UBE3A: variants seen among roughly 807,000 people sequenced by gnomAD.
UBE3A encodes ubiquitin protein ligase E3A, also known as ubiquitin-protein ligase E3A.
In UBE3A, 6 loss-of-function variants were observed where a neutral mutation model predicts 83.4. The observed-to-expected ratio is 0.07, with a 90% CI of 0.04 to 0.14. UBE3A has a LOEUF of 0.14. Ranked by LOEUF, UBE3A falls within the 10% of genes least tolerant of loss-of-function variation. UBE3A has a pLI of 1.00. For synonymous variants in UBE3A, 337 were observed against 355.4 expected (o/e 0.95, Z 0.58); for missense variants, 456 against 1,036.1 (o/e 0.44, Z 7.69).
intron 4 of UBE3A, among the ~76,000 whole-genome samples, chr15:25,401,149 T>C (rs923298928): frequency 6.6e-6 from 1 of 152,220 alleles, no homozygotes; most frequent in African/African-American, 2.4e-5. Flanking sequence ...CCTTGTACCC[T>C]TGAGGTAAAT....
rs187634518 is a variant in UBE3A at position 25,334,698 on chromosome 15, A to G, written c.*4439T>C. ...AAGACAGTGCGGTGCTGGTATAACG[A>G]CAGACATATAGGGCAATGGAGTAAG... On this transcript the variant is annotated 3_prime_UTR_variant, in exon 13 of 13. Coordinates refer to ENST00000648336, the MANE Select transcript of UBE3A (RefSeq NM_130839.5). The G allele has an allele frequency of 7.9e-5, 12 of 152,258 alleles. No individual in the cohort carries two copies. Among genetic ancestry groups the G allele is most frequent in the African/African-American group, 2.9e-4 (12 of 41,552 alleles). The allele number at this position is 152,258 out of a possible 1,614,324, so 9.4% of individuals were successfully genotyped here.
At chr15:25,410,225 G>T (rs972966514) in intron 2 of UBE3A, among the ~76,000 whole-genome samples, 10 of 151,988 alleles carry the variant, frequency 6.6e-5, no homozygotes, top group Admixed American at 3.3e-4. Context: ...AATCTACTAA[G>T]ATTTAATTTC....
chr15:25,371,350 G>C lies in UBE3A; in HGVS notation c.824C>G (p.Ser275Cys). Residue 275 changes from serine (S) to cysteine (C), a missense_variant, in exon 6 of 13, where the codon TCT becomes TGT. This residue lies in a region of UBE3A where 40 missense variants were observed against 124.8 expected (regional missense o/e 0.32). Coordinates refer to ENST00000648336, the MANE Select transcript of UBE3A (RefSeq NM_130839.5). The surrounding 1 kb of genome is among the most constrained non-coding windows in gnomAD (Gnocchi z 5.3). Reference sequence around the variant, plus strand: ...CAAATTCAGATAATTAGGATCTCGAGAGTATACATTGTGATACGTCAAGTC... The same window carrying C: ...CAAATTCAGATAATTAGGATCTCGACAGTATACATTGTGATACGTCAAGTC... ...ECDLTYHNVY[S>C]RDPNYLNLFI... The C allele has an allele frequency of 1.9e-6, 3 of 1,614,126 alleles. No individual in the cohort carries two copies. Among genetic ancestry groups the C allele is most frequent in the Non-Finnish European group, 2.5e-6 (3 of 1,179,990 alleles).
chr15:25,359,018 A>G (rs912649830), intron 7 of UBE3A, among the ~76,000 whole-genome samples: 3 of 152,238 alleles, frequency 2.0e-5, no homozygotes, highest in Admixed American at 6.5e-5. Flanking sequence ...GCAACAAGCT[A>G]TAAGTTAATC....
intron 4 of UBE3A, among the ~76,000 whole-genome samples, chr15:25,385,276 G>A (rs761647501): frequency 1.6e-4 from 25 of 152,032 alleles, no homozygotes; most frequent in Admixed American, 4.6e-4. Context: ...GTTAAAAAGT[G>A]GACAAAGGAC....
intron 2 of UBE3A, among the ~76,000 whole-genome samples, chr15:25,411,284 G>A (rs2089941827): frequency 6.6e-6 from 1 of 152,220 alleles, no homozygotes; most frequent in Non-Finnish European, 1.5e-5. Flanking sequence ...TCAGAACAGT[G>A]CCTGACATAA....
In UBE3A at chr15:25,334,929, G is replaced by A. The variant is rs965189960; in HGVS notation, c.*4208C>T. 6.6e-6 allele frequency: 1 copy of A among 151,770 alleles called. No individual in the cohort carries two copies. The highest frequency in any genetic ancestry group is 1.5e-5 in the Non-Finnish European group (1 of 67,988). The allele number at this position is 151,770 out of a possible 1,614,324, so 9.4% of individuals were successfully genotyped here. On this transcript the variant is annotated 3_prime_UTR_variant, in exon 13 of 13. Coordinates refer to ENST00000648336, the MANE Select transcript of UBE3A (RefSeq NM_130839.5). Reference sequence around the variant, plus strand: ...TGCTCGGTCATTTTCAATCATTTAGGTGGCAACACTGACAAGATAACAGAA... The same window carrying A: ...TGCTCGGTCATTTTCAATCATTTAGATGGCAACACTGACAAGATAACAGAA...
In UBE3A at chr15:25,375,538, G is replaced by A; in HGVS notation, c.288C>T (p.Asn96=). 1 of 1,614,154 alleles carries A rather than the reference G, an allele frequency of 6.2e-7. No individual in the cohort carries two copies. The highest frequency in any genetic ancestry group is 8.5e-7 in the Non-Finnish European group (1 of 1,180,028). Residue 96 remains asparagine, a synonymous_variant, in exon 5 of 13, where the codon AAC becomes AAT. Coordinates refer to ENST00000648336, the MANE Select transcript of UBE3A (RefSeq NM_130839.5). ...AGGAGTTGTTGGGGGCACCTTTCGA[G>A]TTCTCAAGGTAAGCTGAGCTTGCTC... ...KKGASSAYLE[N]SKGAPNNSCS...
chr15:25,399,013 A>AT (rs1403403821), intron 4 of UBE3A, among the ~76,000 whole-genome samples: 2 of 151,330 alleles, frequency 1.3e-5, no homozygotes, highest in Non-Finnish European at 2.9e-5. Flanking sequence ...TTATTTTGAG[A>AT]AATGTCTATT....
At chr15:25,341,783 CAAAAAAA>C (rs60827150) in intron 11 of UBE3A, among the ~76,000 whole-genome samples, 2 of 81,642 alleles carry the variant, frequency 2.4e-5, no homozygotes, top group South Asian at 4.6e-4. Flanking sequence ...AATTTCATCT[CAAAAAAA>C]AAAAAAAAAA....
rs75605946 is a variant in UBE3A, at chr15:25,413,227, T to C, written c.-164-1256A>G. ...TATCTCTTCAACAGAGGGCTCAGTC[T>C]AATAATCTTATAAATAAGTATAGTC... On this transcript the variant is annotated intron_variant, in intron 1 of 12. Coordinates refer to ENST00000648336, the MANE Select transcript of UBE3A (RefSeq NM_130839.5). Among the ~76,000 whole-genome samples the C allele has an allele frequency of 1.6e-4, 24 of 152,304 alleles. No homozygotes were observed. The East Asian group carries it at 4.4e-3, about 28-fold the overall frequency.
intron 6 of UBE3A, among the ~76,000 whole-genome samples, chr15:25,366,205 C>T (rs187315597): frequency 6.6e-6 from 1 of 152,158 alleles, no homozygotes; most frequent in East Asian, 1.9e-4. Flanking sequence ...TAGAATAAAT[C>T]ACAAGAAAGA....
At chr15:25,426,520 C>T (rs1891365633) in intron 1 of UBE3A, among the ~76,000 whole-genome samples, 1 of 152,150 alleles carries the variant, frequency 6.6e-6, no homozygotes, top group Non-Finnish European at 1.5e-5. Flanking sequence ...GTGGGTTTTT[C>T]CTTGAAGGAA....
At chr15:25,406,435 T>C (rs777740491) in intron 3 of UBE3A, among the ~76,000 whole-genome samples, 1 of 152,156 alleles carries the variant, frequency 6.6e-6, no homozygotes, top group African/African-American at 2.4e-5. Context: ...CTAAAAAGCC[T>C]TTCATTTTCA....
chr15:25,338,090 C>T lies in UBE3A; in HGVS notation c.*1047G>A, dbSNP rs552792038. The T allele has an allele frequency of 5.3e-5, 8 of 152,106 alleles. No homozygotes were observed. The highest frequency in any genetic ancestry group is 2.1e-4 in the South Asian group (1 of 4,812). The allele number at this position is 152,106 out of a possible 1,614,324, so 9.4% of individuals were successfully genotyped here. ...ATGTTGCAACACTGATCACGTGCCT[C>T]GATAAAATGGCTGATTCAACAAGAT... On this transcript the variant is annotated 3_prime_UTR_variant, in exon 13 of 13. Transcript: ENST00000648336.
At chr15:25,350,020 C>T (rs1462001873) in intron 11 of UBE3A, among the ~76,000 whole-genome samples, 1 of 152,148 alleles carries the variant, frequency 6.6e-6, no homozygotes, top group East Asian at 1.9e-4. Context: ...AATCCCAGCA[C>T]TTTGGAAGGC....
Position 25,339,016 on chromosome 15 carries a change from C to G in UBE3A, c.*121G>C, listed in dbSNP as rs1480417759. 5 of 1,171,816 alleles carry G rather than the reference C, an allele frequency of 4.3e-6. No individual in the cohort carries two copies. The highest frequency in any genetic ancestry group is 1.1e-6 in the Non-Finnish European group (1 of 878,636). The allele number at this position is 1,171,816 out of a possible 1,614,324, so 72.6% of individuals were successfully genotyped here. On this transcript the variant is annotated 3_prime_UTR_variant, in exon 13 of 13. Transcript: ENST00000648336. ...ACTACTGTGGTTGACTATCTTACAG[C>G]CTTTTTGTACTGGGACACTATCACC...
At chr15:25,345,566 T>TCACACACACACACACACTCACACACACA (rs1336976984) in intron 11 of UBE3A, 1 of 148,288 alleles carries the variant, frequency 6.7e-6, no homozygotes, top group Non-Finnish European at 1.5e-5. Flanking sequence ...CTCATTTCAC[T>TCACACACACACACACACTCACACACACA]CACACACACA....
At chr15:25,430,101 T>A (rs1314374041) in intron 1 of UBE3A, among the ~76,000 whole-genome samples, 8 of 93,878 alleles carry the variant, frequency 8.5e-5, no homozygotes, top group Non-Finnish European at 1.5e-4. Flanking sequence ...ATATATATAT[T>A]ATATATATAA....
Sources: gnomAD v4.1 joint callset for allele counts (sites outside exome capture counted in the v4.1 genomes callset) on GRCh38, gnomAD v4.1.1 for gene constraint, gnomAD v4.1.1 regional missense constraint, Gnocchi (gnomAD v3.1) non-coding constraint, MANE v1.5 for transcripts, NCBI Gene and HGNC (gene_info 2026-07-23, HGNC 2026-07-21) for gene names.